PTGFR: variants seen among roughly 807,000 people sequenced by gnomAD.
PTGFR encodes the protein prostaglandin F receptor, also known as prostaglandin F2-alpha receptor.
In PTGFR, 15 loss-of-function variants were observed where a neutral mutation model predicts 26.2. The ratio of observed to expected loss-of-function variants is 0.57; its 90% CI spans 0.38 to 0.88. PTGFR has a LOEUF of 0.88. Ranked by LOEUF, PTGFR falls within the 40% of genes least tolerant of loss-of-function variation. The pLI is 0.00. For missense variants in PTGFR, 369 were observed against 427.2 expected, an observed-to-expected ratio of 0.86 and a Z score of 1.20; for synonymous variants, 165 against 151.1, an observed-to-expected ratio of 1.09 and a Z score of -0.68.
At chr1:78,502,101 A>G (rs1415860809) in intron 2 of PTGFR, among the ~76,000 whole-genome samples, 1 of 152,188 alleles carries the variant, frequency 6.6e-6, no homozygotes, top group East Asian at 1.9e-4. Context: ...TTTCCACTCC[A>G]AGTTTCAAAT....
intron 2 of PTGFR, among the ~76,000 whole-genome samples, chr1:78,501,464 TCTGTC>T (rs1649704006): frequency 6.6e-6 from 1 of 152,210 alleles, no homozygotes; most frequent in Admixed American, 6.5e-5. Flanking sequence ...CTGTCTCCTG[TCTGTC>T]CTCTTTTCTG....
intron 2 of PTGFR, among the ~76,000 whole-genome samples, chr1:78,513,577 G>A (rs1459848418): frequency 1.3e-5 from 2 of 152,148 alleles, no homozygotes; most frequent in African/African-American, 2.4e-5. Flanking sequence ...ATATTTAAAT[G>A]GGAAGCAGAG....
rs11162503 is a variant in PTGFR at position 78,519,061 on chromosome 1, G to T, written c.799-17345G>T. On this transcript the variant is annotated intron_variant, in intron 2 of 2. Coordinates refer to ENST00000370757, the MANE Select transcript of PTGFR (RefSeq NM_000959.4). ...GGTTTCCTAATTTGGCCCTGAAATT[G>T]CCTATCAAATATTTATAAGGCACTT... 3.6e-3 allele frequency among the ~76,000 whole-genome samples: 555 copies of T among 152,158 alleles called. 2 individuals carry two copies. Among genetic ancestry groups the T allele is most frequent in the African/African-American group, 0.012 (503 of 41,516 alleles).
intron 2 of PTGFR, among the ~76,000 whole-genome samples, chr1:78,500,711 A>G (rs1192406345): frequency 6.6e-6 from 1 of 152,202 alleles, no homozygotes; most frequent in Non-Finnish European, 1.5e-5. Flanking sequence ...ACCTTCCAGA[A>G]GTCTATTTGT....
chr1:78,501,368 T>A (rs1649701334), intron 2 of PTGFR, among the ~76,000 whole-genome samples: 1 of 152,230 alleles, frequency 6.6e-6, no homozygotes, highest in South Asian at 2.1e-4. Context: ...TCAGTGTCAT[T>A]TATCTGTACT....
intron 2 of PTGFR, among the ~76,000 whole-genome samples, chr1:78,514,888 A>G (rs1650057608): frequency 1.3e-5 from 2 of 151,970 alleles, no homozygotes; most frequent in Admixed American, 6.6e-5. Flanking sequence ...TCCCCTCCTC[A>G]CCAGGTGATG....
rs1360334019 is a variant in PTGFR at position 78,539,232 on chromosome 1, A to T, written c.*2545A>T. ...AAACGAAAAATACCTGAAAGTTAAT[A>T]CATACATATGTAGATATATTTTGTT... On this transcript the variant is annotated 3_prime_UTR_variant, in exon 3 of 3. Transcript: ENST00000370757. 1 of 152,020 alleles carries T rather than the reference A, an allele frequency of 6.6e-6. No individual in the cohort carries two copies. Among genetic ancestry groups the T allele is most frequent in the African/African-American group, 2.4e-5 (1 of 41,418 alleles). 9.4% of individuals were successfully genotyped at this position (152,020 alleles called of 1,614,324 possible).
At chr1:78,525,702 A>G (rs1650354844) in intron 2 of PTGFR, among the ~76,000 whole-genome samples, 1 of 152,088 alleles carries the variant, frequency 6.6e-6, no homozygotes, top group African/African-American at 2.4e-5. Context: ...TGGTCTTTCA[A>G]GTATGGCCAG....
At chr1:78,512,605 G>T (rs1181933485) in intron 2 of PTGFR, among the ~76,000 whole-genome samples, 3 of 152,134 alleles carry the variant, frequency 2.0e-5, no homozygotes, top group African/African-American at 7.2e-5. Context: ...TATAAGGAGG[G>T]CACCAAGCCA....
intron 2 of PTGFR, among the ~76,000 whole-genome samples, chr1:78,502,536 T>C (rs1311921326): frequency 2.0e-5 from 3 of 152,208 alleles, no homozygotes; most frequent in Non-Finnish European, 2.9e-5. Flanking sequence ...GTTTGACATA[T>C]AACAAGTACC....
At chr1:78,508,770 T>A (rs1480236124) in intron 2 of PTGFR, among the ~76,000 whole-genome samples, 1 of 152,166 alleles carries the variant, frequency 6.6e-6, no homozygotes, top group Non-Finnish European at 1.5e-5. Flanking sequence ...TACTTTAAAA[T>A]GTGTATTTCT....
chr1:78,539,732 T>C lies in PTGFR; in HGVS notation c.*3045T>C, dbSNP rs531814805. ...AAACTTCAAACAAGTAATTTTATAA[T>C]AAAGTTGGACTAATGTTTTTCAAGA... On this transcript the variant is annotated 3_prime_UTR_variant, in exon 3 of 3. Transcript: ENST00000370757. The C allele has an allele frequency of 2.0e-5, 3 of 152,678 alleles. No individual in the cohort carries two copies. The highest frequency in any genetic ancestry group is 2.1e-4 in the South Asian group (1 of 4,830). 9.5% of individuals were successfully genotyped at this position (152,678 alleles called of 1,614,324 possible).
chr1:78,539,027 A>C lies in PTGFR; in HGVS notation c.*2340A>C, dbSNP rs938809490. On this transcript the variant is annotated 3_prime_UTR_variant, in exon 3 of 3. Transcript: ENST00000370757. Reference sequence around the variant, plus strand: ...TTCTAAAAAGATGAGACAAAAGCAAAAATATCACACATAGGTTTTTATGAC... The same window carrying C: ...TTCTAAAAAGATGAGACAAAAGCAACAATATCACACATAGGTTTTTATGAC... 3 of 151,940 alleles carry C rather than the reference A, an allele frequency of 2.0e-5. No individual in the cohort carries two copies. The highest frequency in any genetic ancestry group is 2.9e-5 in the Non-Finnish European group (2 of 67,926). The allele number at this position is 151,940 out of a possible 1,614,324, so 9.4% of individuals were successfully genotyped here.
intron 2 of PTGFR, among the ~76,000 whole-genome samples, chr1:78,513,658 C>G (rs1249730124): frequency 6.6e-6 from 1 of 152,112 alleles, no homozygotes; most frequent in African/African-American, 2.4e-5. Context: ...GTGGAGCAAT[C>G]ACTTTCTAGA....
At chr1:78,507,390 T>C (rs6424776) in intron 2 of PTGFR, among the ~76,000 whole-genome samples, 27,323 of 152,140 alleles carry the variant, frequency 0.18, 3,175 homozygotes, top group East Asian at 0.55. Flanking sequence ...TGAGTGAAGC[T>C]TGGTTCCATA....
chr1:78,532,106 T>C, intron 2 of PTGFR: 1 of 335,362 alleles, frequency 3.0e-6, no homozygotes, highest in South Asian at 2.2e-5. Context: ...TTTTTGGCAT[T>C]TGTGAAATAT....
chr1:78,520,513 T>TAATA (rs1650197416), intron 2 of PTGFR, among the ~76,000 whole-genome samples: 1 of 152,092 alleles, frequency 6.6e-6, no homozygotes, highest in African/African-American at 2.4e-5. Context: ...TACAGCAGTG[T>TAATA]AATAAAGAAA....
At chr1:78,504,492 T>C (rs1649780734) in intron 2 of PTGFR, among the ~76,000 whole-genome samples, 1 of 152,140 alleles carries the variant, frequency 6.6e-6, no homozygotes, top group South Asian at 2.1e-4. Context: ...AAAATACTTA[T>C]AAAATAAATT....
chr1:78,512,418 G>T (rs1649994630), intron 2 of PTGFR, among the ~76,000 whole-genome samples: 1 of 152,122 alleles, frequency 6.6e-6, no homozygotes, highest in East Asian at 1.9e-4. Context: ...GCCTCAGAGA[G>T]CTTTTGCTTA....
Sources: allele counts gnomAD v4.1 joint callset (sites outside exome capture counted in the v4.1 genomes callset), GRCh38; gene constraint gnomAD v4.1.1; transcripts MANE v1.5; gene names NCBI Gene and HGNC (gene_info 2026-07-23, HGNC 2026-07-21).